Variants in NRIP3 observed in about 807,000 individuals in gnomAD.
The protein encoded by NRIP3 is nuclear receptor interacting protein 3, also known as nuclear receptor-interacting protein 3.
A neutral mutation model predicts 29.0 loss-of-function variants in NRIP3; 31 were observed. The observed-to-expected ratio is 1.07, with a 90% confidence interval of 0.80 to 1.44. NRIP3 has a LOEUF of 1.44. NRIP3 is among the 40% of genes most tolerant of loss of function. The pLI is 0.00. For synonymous variants in NRIP3, 131 were observed against 118.3 expected, an observed-to-expected ratio of 1.11 and a Z score of -0.70; for missense variants, 314 against 297.9, an observed-to-expected ratio of 1.05 and a Z score of -0.40.
chr11:8,996,180 G>C (rs748485525), intron 1 of NRIP3, among the ~76,000 whole-genome samples: 3 of 151,734 alleles, frequency 2.0e-5, no homozygotes, highest in Non-Finnish European at 4.4e-5. Flanking sequence ...CAAGGGCAGG[G>C]ACCATGACTG....
At chr11:8,995,336 C>G (rs1854683296) in intron 1 of NRIP3, among the ~76,000 whole-genome samples, 1 of 152,216 alleles carries the variant, frequency 6.6e-6, no homozygotes, top group South Asian at 2.1e-4. Context: ...CCTCTATGAG[C>G]ATTACTTTTC....
At position 8,981,975 on chromosome 11, in the gene NRIP3, T is replaced by C. The variant is rs1232297075; in HGVS notation, c.*1570A>G. The C allele has an allele frequency of 1.3e-5, 2 of 152,188 alleles. No homozygotes were observed. Among genetic ancestry groups the C allele is most frequent in the African/African-American group, 4.8e-5 (2 of 41,422 alleles). The allele number at this position is 152,188 out of a possible 1,614,324, so 9.4% of individuals were successfully genotyped here. A position where few individuals can be genotyped will look rare whatever the true frequency, so the allele number is the denominator to read the frequency against. On this transcript the variant is annotated 3_prime_UTR_variant, in exon 7 of 7. Transcript: ENST00000309166. ...AGGGCTGTTCAGTAGGGGCAGTTGC[T>C]GAACACCAGACAAGGTAGTTGGTAG...
chr11:9,002,817 C>T (rs955714681), intron 1 of NRIP3, among the ~76,000 whole-genome samples: 1 of 152,074 alleles, frequency 6.6e-6, no homozygotes, highest in African/African-American at 2.4e-5. Context: ...ATGAATAAAG[C>T]GATTGTGAAA....
upstream of NRIP3, chr11:9,004,117 G>T: frequency 2.4e-6 from 1 of 414,074 alleles, no homozygotes; most frequent in Non-Finnish European, 4.1e-6. Context: ...CGGCTCCCTC[G>T]CGTCCCGCGT....
Position 8,987,551 on chromosome 11 carries a change from A to T in NRIP3, c.419T>A (p.Leu140Ter), listed in dbSNP as rs1330609329. Reference sequence around the variant, plus strand: ...CTCAGCACAAGTGCCTACTTACCCCAATCTGTCCACACAGGCCAAAGAGAT... The same window carrying T: ...CTCAGCACAAGTGCCTACTTACCCCTATCTGTCCACACAGGCCAAAGAGAT... Reference protein sequence around the residue: ...NLISLACVDRLGLKEHVKSHK... With the variant: ...NLISLACVDR The change falls in exon 3 of 7, where the codon TTG becomes TAG. Residue 140 changes from leucine to a stop codon, truncating the protein, a stop_gained. Coordinates refer to ENST00000309166, the MANE Select transcript of NRIP3 (RefSeq NM_020645.3). LOFTEE classifies it high-confidence loss of function. 1 of 1,612,728 alleles carries T rather than the reference A, an allele frequency of 6.2e-7. No individual in the cohort carries two copies. The highest frequency in any genetic ancestry group is 2.2e-5 in the East Asian group (1 of 44,874).
rs757922900 is a variant in NRIP3 at position 8,988,160 on chromosome 11, T to C, written c.297A>G (p.Leu99=). The C allele has an allele frequency of 1.2e-6, 2 of 1,614,220 alleles. No homozygotes were observed. The highest frequency in any genetic ancestry group is 1.7e-6 in the Non-Finnish European group (2 of 1,180,036). ...NKLNQAKSEG[L]KKSEEDDMIL... is the part of the protein sequence containing the mutation. ...TCATGTCATCCTCCTCAGACTTCTT[T>C]AGCCCCTCAGACTTAGCCTGATTGA... Residue 99 remains leucine (L), a synonymous_variant, in exon 2 of 7, where the codon CTA becomes CTG. Coordinates refer to ENST00000309166, the MANE Select transcript of NRIP3 (RefSeq NM_020645.3).
intron 6 of NRIP3, 101 bp downstream of exon 6, chr11:8,983,774 A>G (rs1410626000): frequency 1.9e-6 from 2 of 1,072,190 alleles, no homozygotes; most frequent in Admixed American, 3.4e-5. Flanking sequence ...TGAAAGCCAA[A>G]GACAGGATAC....
At chr11:8,998,784 ATTTTTTTTT>A (rs767253373) in intron 1 of NRIP3, among the ~76,000 whole-genome samples, 5 of 77,570 alleles carry the variant, frequency 6.4e-5, no homozygotes, top group Admixed American at 3.1e-4. Flanking sequence ...CAAACTCTTC[ATTTTTTTTT>A]TTTTTTTTTT....
rs1467773343 is a variant in NRIP3, at chr11:8,993,335, T to C, written c.175-5053A>G. 3.3e-5 allele frequency among the ~76,000 whole-genome samples: 5 copies of C among 152,208 alleles called. No homozygotes were observed. In the East Asian group the frequency reaches 7.7e-4, roughly 23 times the overall value. On this transcript the variant is annotated intron_variant, in intron 1 of 6. Coordinates refer to ENST00000309166, the MANE Select transcript of NRIP3 (RefSeq NM_020645.3). The stretch of plus-strand genomic sequence containing the variant: ...AGGAAATTATTAATTTTGAGAAAAA[T>C]GTTTTTATGAGAAAAGAAATAGTAC...
At chr11:9,000,667 T>C (rs1314898845) in intron 1 of NRIP3, among the ~76,000 whole-genome samples, 5 of 152,150 alleles carry the variant, frequency 3.3e-5, no homozygotes, top group African/African-American at 9.7e-5. Context: ...AAAAAGTCCT[T>C]AGCACAATGA....
Position 8,988,071 on chromosome 11 carries a change from A to T in NRIP3, c.339+47T>A, listed in dbSNP as rs1854544517. 2.5e-6 allele frequency: 4 copies of T among 1,594,252 alleles called. No homozygotes were observed. The South Asian group carries it at 4.5e-5, about 18-fold the overall frequency. On this transcript the variant is annotated intron_variant, in intron 2 of 6. Transcript: ENST00000309166. The stretch of plus-strand genomic sequence containing the variant: ...TAAAGTCAGGAGGAGAGGGCCCCAC[A>T]TCCTACTTTCCAGAAAACCCTGGAA...
intron 1 of NRIP3, among the ~76,000 whole-genome samples, chr11:8,990,145 T>G (rs148094921): frequency 8.7e-4 from 132 of 152,340 alleles, no homozygotes; most frequent in African/African-American, 3.0e-3. Flanking sequence ...TAAAAGTTCC[T>G]AGATATTGGG....
chr11:8,987,518 A>C (rs1854536797), intron 3 of NRIP3, 30 bp downstream of exon 3: 1 of 1,485,008 alleles, frequency 6.7e-7, no homozygotes, highest in African/African-American at 1.4e-5. Context: ...AGTCACATCT[A>C]AGTTCCACTC....
At chr11:9,001,059 C>A (rs768210792) in intron 1 of NRIP3, among the ~76,000 whole-genome samples, 8 of 151,938 alleles carry the variant, frequency 5.3e-5, no homozygotes, top group Non-Finnish European at 1.2e-4. Flanking sequence ...AGAGTGAGAA[C>A]CCGTCTCTTA....
chr11:9,000,406 T>C lies in NRIP3; in HGVS notation c.174+3356A>G, dbSNP rs986242461. Among the ~76,000 whole-genome samples the C allele has an allele frequency of 5.3e-5, 8 of 152,236 alleles. 1 individual carries two copies. The highest frequency in any genetic ancestry group is 5.2e-4 in the Admixed American group (8 of 15,286). ...GGCACACCACACAGACCTGCTCTAATAGACAGAGATTCTGTTCAGGTATTT... is the reference window on the plus strand; with the variant it reads ...GGCACACCACACAGACCTGCTCTAACAGACAGAGATTCTGTTCAGGTATTT... On this transcript the variant is annotated intron_variant, in intron 1 of 6. Transcript: ENST00000309166.
At chr11:9,004,046 T>A (rs557530772), upstream of NRIP3, 6 of 1,122,188 alleles carry the variant, frequency 5.3e-6, no homozygotes, top group African/African-American at 1.6e-5. Context: ...GAGCGTGACG[T>A]CGCGGGGAGC....
intron 1 of NRIP3, among the ~76,000 whole-genome samples, chr11:8,992,374 C>T (rs1025238500): frequency 3.3e-5 from 5 of 151,980 alleles, no homozygotes; most frequent in Non-Finnish European, 2.9e-5. Flanking sequence ...TCATACTAAG[C>T]CAGAACTGAA....
chr11:8,990,011 C>A (rs191249654), intron 1 of NRIP3, among the ~76,000 whole-genome samples: 2 of 152,222 alleles, frequency 1.3e-5, no homozygotes, highest in South Asian at 2.1e-4. Flanking sequence ...TGCAAAGGAA[C>A]CTAATCATTA....
Position 8,983,068 on chromosome 11 carries a change from A to G in NRIP3, c.*477T>C. 4.5e-6 allele frequency: 2 copies of G among 445,936 alleles called. No homozygotes were observed. The highest frequency in any genetic ancestry group is 3.2e-5 in the South Asian group (2 of 61,874). The allele number at this position is 445,936 out of a possible 1,614,324, so 27.6% of individuals were successfully genotyped here. On this transcript the variant is annotated 3_prime_UTR_variant, in exon 7 of 7. Transcript: ENST00000309166. The stretch of plus-strand genomic sequence containing the variant: ...TCTTTCACATAATCCATACTTGAGA[A>G]ATCAATGAATCAATTTGAAGAAACT...
Sources: gnomAD v4.1 joint callset for allele counts (sites outside exome capture counted in the v4.1 genomes callset) on GRCh38, gnomAD v4.1.1 for gene constraint, MANE v1.5 for transcripts, NCBI Gene and HGNC (gene_info 2026-07-23, HGNC 2026-07-21) for gene names.